The following GPATCH1 variants were observed in gnomAD, a reference collection of about 807,000 sequenced individuals.
GPATCH1 encodes G-patch domain containing 1, also known as G patch domain-containing protein 1.
A neutral mutation model predicts 114.9 loss-of-function variants in GPATCH1; 73 were observed. The ratio of observed to expected loss-of-function variants is 0.64; its 90% CI spans 0.53 to 0.77. The LOEUF (loss-of-function observed/expected upper bound fraction) is 0.77. Ranked by LOEUF, GPATCH1 falls within the 30% of genes least tolerant of loss-of-function variation. The pLI is 0.00. For synonymous variants in GPATCH1, 391 were observed against 428.4 expected, an observed-to-expected ratio of 0.91 and a Z score of 1.08; for missense variants, 1,058 against 1,144.3, an observed-to-expected ratio of 0.92 and a Z score of 1.09.
In GPATCH1 at chr19:33,093,424, C is replaced by G; in HGVS notation, c.360C>G (p.Thr120=). The G allele has an allele frequency of 6.2e-7, 1 of 1,613,790 alleles. No homozygotes were observed. Among genetic ancestry groups the G allele is most frequent in the Middle Eastern group, 1.6e-4 (1 of 6,062 alleles). The change falls in exon 4 of 20, where the codon ACC becomes ACG. Residue 120 remains threonine, a synonymous_variant. Coordinates refer to ENST00000170564, the MANE Select transcript of GPATCH1 (RefSeq NM_018025.3). ...CCACAGACGATTTTGCCTCCAAAAC[C>G]AAAGACAGAATACGAGAAAAGGCTA... ...IVTTDDFASK[T]KDRIREKARQ...
intron 8 of GPATCH1, among the ~76,000 whole-genome samples, 162 bp downstream of exon 8, chr19:33,098,064 G>T (rs552520351): frequency 6.6e-6 from 1 of 152,236 alleles, no homozygotes; most frequent in Non-Finnish European, 1.5e-5. Context: ...TGAAACAAAT[G>T]CAGGATTCAG....
At chr19:33,126,074 G>C (rs558659690) in intron 18 of GPATCH1, among the ~76,000 whole-genome samples, 11 of 152,296 alleles carry the variant, frequency 7.2e-5, no homozygotes, top group African/African-American at 2.4e-4. Context: ...GCACTCCCAC[G>C]TATGGCGGAT....
chr19:33,094,139 G>T, intron 4 of GPATCH1, 33 bp from the exon 5 acceptor site: 1 of 1,136,374 alleles, frequency 8.8e-7, no homozygotes, highest in South Asian at 1.2e-5. Flanking sequence ...ATGTTATTTT[G>T]AAAAGTTCAT....
At chr19:33,119,308 TC>T (rs1972950627) in intron 17 of GPATCH1, among the ~76,000 whole-genome samples, 191 bp downstream of exon 17, 1 of 152,160 alleles carries the variant, frequency 6.6e-6, no homozygotes, top group African/African-American at 2.4e-5. Flanking sequence ...TTCAGAGACC[TC>T]CAAACTTTAT....
intron 19 of GPATCH1, among the ~76,000 whole-genome samples, chr19:33,128,842 T>G (rs1973071481): frequency 6.6e-6 from 1 of 152,216 alleles, no homozygotes; most frequent in African/African-American, 2.4e-5. Context: ...TTATCTCTTC[T>G]GTTGTGTGGA....
At chr19:33,092,494 T>C (rs1046907903) in intron 3 of GPATCH1, among the ~76,000 whole-genome samples, 2 of 152,154 alleles carry the variant, frequency 1.3e-5, no homozygotes, top group African/African-American at 4.8e-5. Flanking sequence ...CTGGCTTAGA[T>C]AAGACACAAA....
At chr19:33,103,561 CATG>C (rs1413815479) in intron 9 of GPATCH1, among the ~76,000 whole-genome samples, 2 of 151,844 alleles carry the variant, frequency 1.3e-5, no homozygotes, top group Non-Finnish European at 2.9e-5. Flanking sequence ...ATTAGCCAGG[CATG>C]GTGGTACGTG....
chr19:33,129,218 G>A (rs900825633), intron 19 of GPATCH1, among the ~76,000 whole-genome samples: 1 of 151,464 alleles, frequency 6.6e-6, no homozygotes, highest in Non-Finnish European at 1.5e-5. Flanking sequence ...CTGTACTCCA[G>A]CCTGGGTGAC....
chr19:33,126,341 G>C (rs774542809), intron 18 of GPATCH1, among the ~76,000 whole-genome samples: 7 of 152,188 alleles, frequency 4.6e-5, no homozygotes, highest in Non-Finnish European at 7.3e-5. Flanking sequence ...GATAGGTCCT[G>C]TCTGCGCCTT....
intron 10 of GPATCH1, among the ~76,000 whole-genome samples, 160 bp downstream of exon 10, chr19:33,107,059 G>A (rs1972793287): frequency 6.6e-6 from 1 of 152,170 alleles, no homozygotes; most frequent in African/African-American, 2.4e-5. Flanking sequence ...ATAATAGTGT[G>A]CATATCTTTT....
At chr19:33,104,351 G>GGA (rs1555719767) in intron 9 of GPATCH1, among the ~76,000 whole-genome samples, 1 of 140,176 alleles carries the variant, frequency 7.1e-6, no homozygotes, top group African/African-American at 2.8e-5. Context: ...AAAAAAGAAA[G>GGA]AAATACTTTG....
At chr19:33,120,491 C>T (rs1353742301) in intron 17 of GPATCH1, among the ~76,000 whole-genome samples, 2 of 143,794 alleles carry the variant, frequency 1.4e-5, no homozygotes, top group South Asian at 2.2e-4. Flanking sequence ...TGCAGTGAGC[C>T]GAGATCGAGA....
intron 8 of GPATCH1, among the ~76,000 whole-genome samples, chr19:33,099,928 G>T (rs531765099): frequency 1.7e-3 from 258 of 151,788 alleles, no homozygotes; most frequent in African/African-American, 6.0e-3. Flanking sequence ...CTGCTACCAC[G>T]CCCAGCTAAT....
intron 14 of GPATCH1, 25 bp from the exon 15 acceptor site, chr19:33,114,228 T>A (rs184748978): frequency 1.3e-6 from 2 of 1,590,630 alleles, no homozygotes; most frequent in Non-Finnish European, 1.7e-6. Flanking sequence ...AATGCTGGAG[T>A]TTATATCTAT....
intron 8 of GPATCH1, among the ~76,000 whole-genome samples, chr19:33,100,944 C>T (rs563627499): frequency 4.3e-4 from 65 of 152,260 alleles, no homozygotes; most frequent in African/African-American, 1.5e-3. Flanking sequence ...ACCTCCAGGT[C>T]AGAGGGCATT....
At chr19:33,121,802 G>T (rs532429469) in intron 17 of GPATCH1, among the ~76,000 whole-genome samples, 2 of 152,166 alleles carry the variant, frequency 1.3e-5, no homozygotes, top group African/African-American at 4.8e-5. Flanking sequence ...TTTGAGGGCT[G>T]GGTTTACAAA....
chr19:33,108,361 C>T (rs762519784), intron 10 of GPATCH1, among the ~76,000 whole-genome samples: 31 of 152,222 alleles, frequency 2.0e-4, no homozygotes, highest in Non-Finnish European at 4.1e-4. Flanking sequence ...CTGCACCATC[C>T]ACCACCTTCC....
rs1057488875 is a variant in GPATCH1, at chr19:33,088,144, A to G, written c.84A>G (p.Pro28=). The G allele has an allele frequency of 1.3e-6, 2 of 1,529,830 alleles. No individual in the cohort carries two copies. The highest frequency in any genetic ancestry group is 2.3e-5 in the East Asian group (1 of 43,692). The allele number at this position is 1,529,830 out of a possible 1,614,324, so 94.8% of individuals were successfully genotyped here. The change falls in exon 2 of 20, where the codon CCA becomes CCG. Residue 28 remains proline (P), a synonymous_variant. Transcript: ENST00000170564. ...GLEPLEEGER[P]KKPIPLQDQT... ...TTTTTTTTTTTTTAGGTGAAAGACC[A>G]AAGAAACCAATCCCTCTTCAGGATC...
intron 1 of GPATCH1, 140 bp from the exon 2 acceptor site, chr19:33,087,994 G>T: frequency 1.9e-6 from 1 of 526,506 alleles, no homozygotes; most frequent in Non-Finnish European, 3.3e-6. Flanking sequence ...TAAAGTCTAG[G>T]AATAACAATT....
Sources: allele counts gnomAD v4.1 joint callset (sites outside exome capture counted in the v4.1 genomes callset), GRCh38; gene constraint gnomAD v4.1.1; transcripts MANE v1.5; gene names NCBI Gene and HGNC (gene_info 2026-07-23, HGNC 2026-07-21).